KCNQ5: variants seen among roughly 807,000 people sequenced by gnomAD.
KCNQ5 encodes potassium voltage-gated channel subfamily Q member 5.
Under a neutral mutation model 98.2 loss-of-function variants are expected in KCNQ5, and 30 were observed. That is an observed-to-expected ratio of 0.31 (90% CI 0.23 to 0.41). The LOEUF is 0.41. Among genes scored for constraint, KCNQ5 ranks in the 10% least tolerant of loss-of-function variants. The probability of loss-of-function intolerance (pLI) is 1.00; values close to 1 mark genes in which losing one functional copy is unlikely to be tolerated. For synonymous variants in KCNQ5, 458 were observed against 449.4 expected (o/e 1.02, Z -0.24); for missense variants, 835 against 1,182.5 (o/e 0.71, Z 4.31).
chr6:72,931,477 C>A (rs1454335092), intron 1 of KCNQ5, among the ~76,000 whole-genome samples: 1 of 152,068 alleles, frequency 6.6e-6, no homozygotes, highest in East Asian at 1.9e-4. Context: ...ATAAAGAGGT[C>A]TTTTAAAGAT....
intron 1 of KCNQ5, among the ~76,000 whole-genome samples, chr6:72,950,225 C>T (rs1395010753): frequency 6.6e-6 from 1 of 152,194 alleles, no homozygotes; most frequent in Non-Finnish European, 1.5e-5. Context: ...GCAGTTTTAA[C>T]ATAACTGGTA....
chr6:72,834,156 T>G (rs1400111476), intron 1 of KCNQ5, among the ~76,000 whole-genome samples: 12 of 152,058 alleles, frequency 7.9e-5, no homozygotes, highest in Admixed American at 6.6e-4. Flanking sequence ...ATTTGTGAAT[T>G]TTGGGGGTGG....
chr6:72,998,510 C>A (rs182236408), intron 1 of KCNQ5, among the ~76,000 whole-genome samples: 1 of 151,952 alleles, frequency 6.6e-6, no homozygotes, highest in Non-Finnish European at 1.5e-5. Flanking sequence ...CCGATGCGGG[C>A]GGATTATGAG....
chr6:72,664,639 G>A (rs1434709777), intron 1 of KCNQ5, among the ~76,000 whole-genome samples: 4 of 150,978 alleles, frequency 2.6e-5, no homozygotes, highest in Non-Finnish European at 5.9e-5. Flanking sequence ...CTGGGCAACA[G>A]AGCAAGACTC....
At chr6:72,974,325 A>G (rs912848294) in intron 1 of KCNQ5, among the ~76,000 whole-genome samples, 10 of 147,394 alleles carry the variant, frequency 6.8e-5, no homozygotes, top group African/African-American at 2.6e-4. Flanking sequence ...AAGTTTGTCC[A>G]CCCCTGCTAT....
intron 1 of KCNQ5, among the ~76,000 whole-genome samples, chr6:72,825,887 GA>G (rs1218103824): frequency 1.3e-5 from 2 of 152,110 alleles, no homozygotes; most frequent in African/African-American, 4.8e-5. Flanking sequence ...TTTAAATGAA[GA>G]GAGAAAACTT....
chr6:72,963,831 T>G (rs1037700180), intron 1 of KCNQ5, among the ~76,000 whole-genome samples: 1 of 152,000 alleles, frequency 6.6e-6, no homozygotes, highest in Non-Finnish European at 1.5e-5. Context: ...TCTGGCTAAT[T>G]GTTAGTATTT....
rs141981919 is a variant in KCNQ5 at position 73,019,973 on chromosome 6, A to G, written c.489+15975A>G. Among the ~76,000 whole-genome samples the G allele has an allele frequency of 5.9e-5, 9 of 152,304 alleles. No homozygotes were observed. The East Asian group carries it at 1.7e-3, about 29-fold the overall frequency. ...ATATTTTTTAGAATTAAAAGATTTA[A>G]TTCTTTACCTTATCAGAGAGGAAAA... On this transcript the variant is annotated intron_variant, in intron 2 of 13. Coordinates refer to ENST00000370398, the MANE Select transcript of KCNQ5 (RefSeq NM_019842.4).
chr6:73,194,081 C>T (rs1171038023), intron 13 of KCNQ5, among the ~76,000 whole-genome samples: 1 of 152,188 alleles, frequency 6.6e-6, no homozygotes, highest in African/African-American at 2.4e-5. Context: ...CTCAATTCTC[C>T]TGCCTCAGTT....
In KCNQ5 at chr6:73,195,222, G is replaced by A. The variant is rs962570801; in HGVS notation, c.2607G>A (p.Leu869=). ...DFYPKWRESK[L]FITDEEVGPE... ...ACCCCAAATGGAGGGAATCCAAATT[G>A]TTTATAACTGATGAAGAGGTGGGTC... Residue 869 remains leucine, a synonymous_variant, in exon 14 of 14, where the codon TTG becomes TTA. Coordinates refer to ENST00000370398, the MANE Select transcript of KCNQ5 (RefSeq NM_019842.4). 3.1e-6 allele frequency: 5 copies of A among 1,614,082 alleles called. No homozygotes were observed. The highest frequency in any genetic ancestry group is 1.6e-4 in the Middle Eastern group (1 of 6,084).
chr6:72,668,868 A>G (rs966946513), intron 1 of KCNQ5, among the ~76,000 whole-genome samples: 1 of 151,834 alleles, frequency 6.6e-6, no homozygotes, highest in Admixed American at 6.6e-5. Flanking sequence ...TTAGAAGGAC[A>G]TTAGTCCTAT....
At chr6:72,996,734 C>T (rs1769319384) in intron 1 of KCNQ5, among the ~76,000 whole-genome samples, 1 of 152,160 alleles carries the variant, frequency 6.6e-6, no homozygotes, top group Non-Finnish European at 1.5e-5. Flanking sequence ...TGATTAAATG[C>T]CAATTCTTTT....
At chr6:73,036,940 C>A (rs1002401219) in intron 2 of KCNQ5, among the ~76,000 whole-genome samples, 1 of 152,192 alleles carries the variant, frequency 6.6e-6, no homozygotes, top group Non-Finnish European at 1.5e-5. Context: ...AAGGACCATA[C>A]TGTTTTACAT....
At chr6:72,638,395 A>G (rs2098925391) in intron 1 of KCNQ5, among the ~76,000 whole-genome samples, 1 of 152,168 alleles carries the variant, frequency 6.6e-6, no homozygotes, top group Non-Finnish European at 1.5e-5. Flanking sequence ...GCTGTTTTCC[A>G]GAGCTAGTGG....
At chr6:72,695,335 C>G (rs947566342) in intron 1 of KCNQ5, among the ~76,000 whole-genome samples, 2 of 152,114 alleles carry the variant, frequency 1.3e-5, no homozygotes, top group Non-Finnish European at 2.9e-5. Context: ...ATTTTTATTT[C>G]TATTTTTTCT....
chr6:72,854,594 C>A (rs1434859496), intron 1 of KCNQ5, among the ~76,000 whole-genome samples: 1 of 151,492 alleles, frequency 6.6e-6, no homozygotes, highest in African/African-American at 2.4e-5. Flanking sequence ...TTAAAGGATT[C>A]TTTTATTATA....
chr6:72,960,402 C>T (rs1767283309), intron 1 of KCNQ5, among the ~76,000 whole-genome samples: 1 of 151,940 alleles, frequency 6.6e-6, no homozygotes, highest in Admixed American at 6.5e-5. Context: ...TCCCCAAATA[C>T]ATTTGTTGTT....
Position 72,622,700 on chromosome 6 carries a change from G to A in KCNQ5, c.398+113G>A, listed in dbSNP as rs577801634. 1 of 1,166,782 alleles carries A rather than the reference G, an allele frequency of 8.6e-7. No homozygotes were observed. The highest frequency in any genetic ancestry group is 1.6e-5 in the African/African-American group (1 of 63,430). 72.3% of individuals were successfully genotyped at this position (1,166,782 alleles called of 1,614,324 possible). A position where few individuals can be genotyped will look rare whatever the true frequency, so the allele number is the denominator to read the frequency against. On this transcript the variant is annotated intron_variant, in intron 1 of 13. Transcript: ENST00000370398. The surrounding 1 kb of genome is among the most constrained non-coding windows in gnomAD (Gnocchi z 6.0). ...CCCCCGCGCGCGTGCACACGTGGTG[G>A]CTTTTATTTCTTCGCACGTGTTCGT...
At chr6:72,666,916 T>C (rs2154473159) in intron 1 of KCNQ5, among the ~76,000 whole-genome samples, 1 of 152,360 alleles carries the variant, frequency 6.6e-6, no homozygotes, top group East Asian at 1.9e-4. Context: ...TACAATTACA[T>C]GTTCCATTGT....
Sources: gnomAD v4.1 joint callset for allele counts (sites outside exome capture counted in the v4.1 genomes callset) on GRCh38, gnomAD v4.1.1 for gene constraint, Gnocchi (gnomAD v3.1) non-coding constraint, MANE v1.5 for transcripts, NCBI Gene and HGNC (gene_info 2026-07-23, HGNC 2026-07-21) for gene names.